AK7: variants seen among roughly 807,000 people sequenced by gnomAD.
The protein encoded by AK7 is adenylate kinase 7.
In AK7, 78 loss-of-function variants were observed where a neutral mutation model predicts 96.6. That is an observed-to-expected ratio of 0.81 (90% CI 0.67 to 0.97). The LOEUF (loss-of-function observed/expected upper bound fraction) is 0.97. Ranked by LOEUF, AK7 falls within the 50% of genes least tolerant of loss-of-function variation. The pLI, the probability that AK7 is intolerant of heterozygous loss-of-function variation, is 0.00. For missense variants in AK7, 855 were observed against 887.9 expected, an observed-to-expected ratio of 0.96 and a Z score of 0.47; for synonymous variants, 302 against 317.2, an observed-to-expected ratio of 0.95 and a Z score of 0.51.
rs181413472 is a variant in AK7 at position 96,420,774 on chromosome 14, C to T, written c.499-48C>T. The stretch of plus-strand genomic sequence containing the variant: ...CATATCTTTAGCCTTAGAAGTCACA[C>T]ATCTCTAATTCACCAAGTCTGTACC... On this transcript the variant is annotated intron_variant, in intron 4 of 17. Coordinates refer to ENST00000267584, the MANE Select transcript of AK7 (RefSeq NM_152327.5). The T allele has an allele frequency of 2.8e-3, 3,704 of 1,312,054 alleles. 7 individuals carry two copies. Among genetic ancestry groups the T allele is most frequent in the Non-Finnish European group, 3.7e-3 (3,395 of 923,566 alleles). 81.3% of individuals were successfully genotyped at this position (1,312,054 alleles called of 1,614,324 possible).
rs77619974 is a variant in AK7, at chr14:96,414,096, C to A, written c.498+5155C>A. ...ACACATGGAGGAAGTTTGTACCTTG[C>A]TCAGGTAAAATGTAAAACAAGTGTT... On this transcript the variant is annotated intron_variant, in intron 4 of 17. Transcript: ENST00000267584. Among the ~76,000 whole-genome samples the A allele has an allele frequency of 8.5e-5, 13 of 152,302 alleles. 1 individual carries two copies. In the East Asian group the frequency reaches 2.3e-3, roughly 27 times the overall value.
chr14:96,406,343 C>T (rs1163610029), intron 3 of AK7, among the ~76,000 whole-genome samples: 1 of 152,186 alleles, frequency 6.6e-6, no homozygotes, highest in Non-Finnish European at 1.5e-5. Flanking sequence ...ACCCTCTCCC[C>T]CTCAAGGAAA....
intron 14 of AK7, among the ~76,000 whole-genome samples, chr14:96,475,449 C>T (rs1299904183): frequency 6.6e-6 from 1 of 152,120 alleles, no homozygotes; most frequent in Non-Finnish European, 1.5e-5. Context: ...CACAGTGAAC[C>T]GTTCGGGACT....
At chr14:96,446,269 C>A (rs544627244) in intron 7 of AK7, among the ~76,000 whole-genome samples, 4 of 152,140 alleles carry the variant, frequency 2.6e-5, no homozygotes, top group Non-Finnish European at 5.9e-5. Context: ...TGCATCTGAC[C>A]TCAAAAGCTG....
At chr14:96,423,673 T>C (rs1426978464) in intron 5 of AK7, 3 of 653,264 alleles carry the variant, frequency 4.6e-6, no homozygotes, top group Non-Finnish European at 8.7e-6. Flanking sequence ...TCCAGGACGG[T>C]TCAGGTCGCC....
chr14:96,415,535 G>A (rs1020924762), intron 4 of AK7, among the ~76,000 whole-genome samples: 15 of 151,844 alleles, frequency 9.9e-5, no homozygotes, highest in Middle Eastern at 3.4e-3. Context: ...AACAGCAGAG[G>A]CAGGCCAGCC....
At chr14:96,465,717 A>G (rs1894525555) in intron 12 of AK7, among the ~76,000 whole-genome samples, 1 of 151,688 alleles carries the variant, frequency 6.6e-6, no homozygotes, top group Non-Finnish European at 1.5e-5. Context: ...TAGGTGAGTA[A>G]AAGAACCAAA....
intron 1 of AK7, among the ~76,000 whole-genome samples, chr14:96,393,885 G>T (rs1040784428): frequency 6.6e-6 from 1 of 152,034 alleles, no homozygotes; most frequent in African/African-American, 2.4e-5. Flanking sequence ...GAGGTGGGTG[G>T]ATCACCTGAG....
intron 5 of AK7, among the ~76,000 whole-genome samples, chr14:96,423,069 G>C (rs576922214): frequency 6.6e-6 from 1 of 152,140 alleles, no homozygotes; most frequent in Non-Finnish European, 1.5e-5. Context: ...CCTGATAAGC[G>C]GTCAGCTAGT....
At chr14:96,407,539 G>A (rs1424314915) in intron 3 of AK7, among the ~76,000 whole-genome samples, 1 of 149,754 alleles carries the variant, frequency 6.7e-6, no homozygotes, top group Non-Finnish European at 1.5e-5. Context: ...AGTTTAATTA[G>A]ACCTCACTTT....
chr14:96,400,404 A>G (rs112206589), intron 2 of AK7, among the ~76,000 whole-genome samples: 5 of 152,136 alleles, frequency 3.3e-5, no homozygotes, highest in African/African-American at 7.2e-5. Context: ...ATCTCTATCA[A>G]TTGGGGCTGT....
At chr14:96,487,116 T>G (rs1307054199) in intron 17 of AK7, 60 bp downstream of exon 17, 17 of 1,568,014 alleles carry the variant, frequency 1.1e-5, no homozygotes, top group Non-Finnish European at 1.4e-5. Context: ...GGCTTACACC[T>G]GTAATCCCAG....
In AK7 at chr14:96,471,445, T is replaced by C. The variant is rs573131355; in HGVS notation, c.1358-33T>C. 2.6e-5 allele frequency: 30 copies of C among 1,151,204 alleles called. No homozygotes were observed. The South Asian group carries it at 5.6e-4, about 21-fold the overall frequency. 71.3% of individuals were successfully genotyped at this position (1,151,204 alleles called of 1,614,324 possible). ...CTCTTACTTAGAATGTGATACATTA[T>C]AAGTAATATATACATATATGTTTTT... On this transcript the variant is annotated intron_variant, in intron 12 of 17. Coordinates refer to ENST00000267584, the MANE Select transcript of AK7 (RefSeq NM_152327.5).
At chr14:96,482,973 G>A (rs1194756481) in intron 15 of AK7, 26 bp from the exon 16 acceptor site, 1 of 1,610,990 alleles carries the variant, frequency 6.2e-7, no homozygotes, top group African/African-American at 1.3e-5. Context: ...ATAAGTATGT[G>A]TTGATCTCTC....
At chr14:96,439,709 G>T (rs1014275320) in intron 6 of AK7, among the ~76,000 whole-genome samples, 5 of 150,670 alleles carry the variant, frequency 3.3e-5, no homozygotes, top group African/African-American at 1.2e-4. Context: ...ATGACAAATT[G>T]TGTCAGATAC....
At chr14:96,478,356 G>T in intron 14 of AK7, 109 bp from the exon 15 acceptor site, 1 of 1,078,168 alleles carries the variant, frequency 9.3e-7, no homozygotes, top group Non-Finnish European at 1.4e-6. Flanking sequence ...CAGGCTATTT[G>T]TGGCAACAGG....
intron 5 of AK7, among the ~76,000 whole-genome samples, chr14:96,422,056 C>T (rs563687882): frequency 5.3e-5 from 8 of 152,262 alleles, no homozygotes; most frequent in Non-Finnish European, 8.8e-5. Flanking sequence ...CTTCTGGTCC[C>T]GTGGTGCCAA....
At chr14:96,406,907 G>A (rs1890743101) in intron 3 of AK7, among the ~76,000 whole-genome samples, 1 of 152,150 alleles carries the variant, frequency 6.6e-6, no homozygotes, top group Admixed American at 6.5e-5. Flanking sequence ...TCCAGCTTCT[G>A]GCCTCAAGCG....
At chr14:96,471,703 T>A in intron 13 of AK7, 97 bp downstream of exon 13, 1 of 1,048,480 alleles carries the variant, frequency 9.5e-7, no homozygotes, top group Non-Finnish European at 1.3e-6. Flanking sequence ...AACAGAAAAC[T>A]AGAGAGACTA....
Sources: allele counts gnomAD v4.1 joint callset (sites outside exome capture counted in the v4.1 genomes callset), GRCh38; gene constraint gnomAD v4.1.1; transcripts MANE v1.5; gene names NCBI Gene and HGNC (gene_info 2026-07-23, HGNC 2026-07-21).